Variants in GNAI1 observed in about 807,000 individuals in gnomAD.
GNAI1 encodes the protein guanine nucleotide-binding protein G(i) subunit alpha-1.
Under a neutral mutation model 38.9 loss-of-function variants are expected in GNAI1, and 11 were observed. The ratio of observed to expected loss-of-function variants is 0.28; its 90% confidence interval spans 0.18 to 0.47. The LOEUF (loss-of-function observed/expected upper bound fraction) is 0.47. Ranked by LOEUF, GNAI1 falls within the 20% of genes least tolerant of loss-of-function variation. The pLI, the probability that GNAI1 is intolerant of heterozygous loss-of-function variation, is 0.99. For missense variants in GNAI1, 317 were observed against 436.9 expected, an observed-to-expected ratio of 0.73 and a Z score of 2.45; for synonymous variants, 166 against 145.1, an observed-to-expected ratio of 1.14 and a Z score of -1.04.
rs1789095498 is a variant in GNAI1 at position 80,222,409 on chromosome 7, C to CA, written c.*4917dup. Among the ~76,000 whole-genome samples, 2 of 117,936 alleles carry CA rather than the reference C, an allele frequency of 1.7e-5. No homozygotes were observed. Among genetic ancestry groups the CA allele is most frequent in the South Asian group, 5.0e-4 (2 of 4,012 alleles). 77.4% of individuals were successfully genotyped at this position (117,936 alleles called of 152,430 possible). A position where few individuals can be genotyped will look rare whatever the true frequency, so the allele number is the denominator to read the frequency against. On this transcript the variant is annotated 3_prime_UTR_variant, in exon 8 of 8. Transcript: ENST00000649796. ...TTTTTTTTTTTTTTTTTTCCTGAGA[C>CA]AGAGTTTCGTTCTTGTTTCCCAGGC... is the stretch of plus-strand genomic sequence containing the variant.
At chr7:80,211,669 T>G (rs1009547430) in intron 6 of GNAI1, among the ~76,000 whole-genome samples, 2 of 152,316 alleles carry the variant, frequency 1.3e-5, no homozygotes, top group Non-Finnish European at 2.9e-5. Flanking sequence ...GCCACCCATC[T>G]CGGCCTCCCA....
rs57485323 is a variant in GNAI1 at position 80,219,027 on chromosome 7, T to TTGTGTGTGTGTGTGTGTGTGTGTGTG, written c.*1542_*1567dup. ...GTGTTGTCACTGGGTTGAAGTATAT[T>TTGTGTGTGTGTGTGTGTGTGTGTGTG]TGTGTGTGTGTGTGTGTGTGTGTGT... On this transcript the variant is annotated 3_prime_UTR_variant, in exon 8 of 8. Transcript: ENST00000649796. 1.4e-5 allele frequency: 2 copies of TTGTGTGTGTGTGTGTGTGTGTGTGTG among 145,946 alleles called. No individual in the cohort carries two copies. The highest frequency in any genetic ancestry group is 3.5e-3 in the Middle Eastern group (1 of 282). The allele number at this position is 145,946 out of a possible 1,614,324, so 9.0% of individuals were successfully genotyped here.
rs1789056323 is a variant in GNAI1 at position 80,220,608 on chromosome 7, T to C, written c.*3115T>C. Among the ~76,000 whole-genome samples the C allele has an allele frequency of 6.6e-6, 1 of 152,246 alleles. No homozygotes were observed. The highest frequency in any genetic ancestry group is 1.5e-5 in the Non-Finnish European group (1 of 68,050). ...GTTTCTAAAATTCTCTTCATTTCAG[T>C]AACCTTCTAAAAGTCTACTTTTTTA... On this transcript the variant is annotated 3_prime_UTR_variant, in exon 8 of 8. Transcript: ENST00000649796.
At chr7:80,169,696 T>C (rs930882498) in intron 1 of GNAI1, among the ~76,000 whole-genome samples, 1 of 152,200 alleles carries the variant, frequency 6.6e-6, no homozygotes, top group Non-Finnish European at 1.5e-5. Flanking sequence ...TGAGATATAA[T>C]TCACCAAAAA....
chr7:80,196,792 A>G (rs1425521287), intron 3 of GNAI1, among the ~76,000 whole-genome samples: 1 of 151,902 alleles, frequency 6.6e-6, no homozygotes, highest in Non-Finnish European at 1.5e-5. Flanking sequence ...AATTTTTTTT[A>G]AAGAAAAGAG....
chr7:80,176,764 C>T (rs910369534), intron 1 of GNAI1, among the ~76,000 whole-genome samples: 4 of 151,620 alleles, frequency 2.6e-5, no homozygotes, highest in Non-Finnish European at 5.9e-5. Context: ...TGGTGAAACC[C>T]CCATCTCTAC....
intron 1 of GNAI1, among the ~76,000 whole-genome samples, chr7:80,166,527 T>C (rs1204647627): frequency 6.6e-6 from 1 of 152,156 alleles, no homozygotes; most frequent in Non-Finnish European, 1.5e-5. Context: ...TAGAAGATAG[T>C]TGGAGGAACT....
chr7:80,137,307 C>CTTTTTTTTTCTTTTTTTTTTTTTTTT (rs1787435379), intron 1 of GNAI1, among the ~76,000 whole-genome samples: 1 of 61,206 alleles, frequency 1.6e-5, no homozygotes, highest in African/African-American at 5.3e-5. Flanking sequence ...TTTTTTTTTT[C>CTTTTTTTTTCTTTTTTTTTTTTTTTT]TTTTCTTTTC....
intron 1 of GNAI1, among the ~76,000 whole-genome samples, chr7:80,183,374 A>G (rs1319636094): frequency 6.6e-6 from 1 of 152,224 alleles, no homozygotes; most frequent in Non-Finnish European, 1.5e-5. Context: ...AGGATTTTAA[A>G]TGCATTTATA....
intron 5 of GNAI1, among the ~76,000 whole-genome samples, chr7:80,209,106 G>C (rs1270943916): frequency 6.6e-6 from 1 of 152,098 alleles, no homozygotes; most frequent in African/African-American, 2.4e-5. Flanking sequence ...TCAAGATAGT[G>C]TAGTTTTATT....
chr7:80,191,377 A>T (rs892200854), intron 3 of GNAI1, among the ~76,000 whole-genome samples: 5 of 151,878 alleles, frequency 3.3e-5, no homozygotes, highest in African/African-American at 1.2e-4. Flanking sequence ...GAAACATTTT[A>T]TTATTATTAT....
intron 7 of GNAI1, among the ~76,000 whole-genome samples, chr7:80,215,496 C>T (rs542636888): frequency 3.7e-4 from 57 of 152,208 alleles, no homozygotes; most frequent in Non-Finnish European, 6.0e-4. Context: ...AACTTAAAGA[C>T]GATAGCTTTA....
intron 4 of GNAI1, among the ~76,000 whole-genome samples, chr7:80,202,340 G>A (rs1788703112): frequency 2.0e-5 from 3 of 152,020 alleles, no homozygotes; most frequent in Non-Finnish European, 4.4e-5. Context: ...CGCCCACCTC[G>A]GCCTCACAAA....
intron 1 of GNAI1, 38 bp downstream of exon 1, chr7:80,135,316 G>T (rs1177829232): frequency 8.1e-7 from 1 of 1,228,970 alleles, no homozygotes; most frequent in Non-Finnish European, 1.1e-6. Context: ...GGTCGGCGGG[G>T]GACCGGGTGC....
At position 80,211,069 on chromosome 7, in the gene GNAI1, G is replaced by T; in HGVS notation, c.691G>T (p.Asp231Tyr). 6.2e-7 allele frequency: 1 copy of T among 1,613,436 alleles called. No individual in the cohort carries two copies. The highest frequency in any genetic ancestry group is 8.5e-7 in the Non-Finnish European group (1 of 1,179,450). Residue 231 changes from aspartate to tyrosine, a missense_variant, in exon 6 of 8, where the codon GAC (aspartate) becomes TAC (tyrosine). Coordinates refer to ENST00000649796, the MANE Select transcript of GNAI1 (RefSeq NM_002069.6). The stretch of plus-strand genomic sequence containing the variant: ...CTTCTGTGTAGCACTGAGTGACTAC[G>T]ACCTGGTTCTAGCTGAAGATGAAGA... ...IIFCVALSDYDLVLAEDEEMN... is the reference protein window; with the variant it reads ...IIFCVALSDYYLVLAEDEEMN...
At chr7:80,172,303 A>G (rs1422754448) in intron 1 of GNAI1, among the ~76,000 whole-genome samples, 1 of 152,190 alleles carries the variant, frequency 6.6e-6, no homozygotes, top group South Asian at 2.1e-4. Flanking sequence ...AGATTTAAAC[A>G]TTTTAGAAAA....
intron 1 of GNAI1, among the ~76,000 whole-genome samples, chr7:80,186,301 G>A (rs916948336): frequency 6.6e-6 from 1 of 152,060 alleles, no homozygotes; most frequent in Non-Finnish European, 1.5e-5. Context: ...AAAGTGCTGG[G>A]ATTACAGGCA....
At chr7:80,152,236 A>C (rs923849684) in intron 1 of GNAI1, among the ~76,000 whole-genome samples, 4 of 152,086 alleles carry the variant, frequency 2.6e-5, no homozygotes, top group African/African-American at 9.7e-5. Context: ...TTCTTTCCTT[A>C]TGTTATTTCA....
rs1361533962 is a variant in GNAI1 at position 80,223,995 on chromosome 7, TTTC to T, written c.*6508_*6510del. Among the ~76,000 whole-genome samples, 1 of 152,166 alleles carries T rather than the reference TTTC, an allele frequency of 6.6e-6. No individual in the cohort carries two copies. Among genetic ancestry groups the T allele is most frequent in the Non-Finnish European group, 1.5e-5 (1 of 68,022 alleles). On this transcript the variant is annotated 3_prime_UTR_variant, in exon 8 of 8. Transcript: ENST00000649796. ...TAAGGAAAGCCAGTAAAAAGTGCCC[TTTC>T]TTCTTTCTGAGAGCCCCACCTCTGA...
Sources: allele counts gnomAD v4.1 joint callset (sites outside exome capture counted in the v4.1 genomes callset), GRCh38; gene constraint gnomAD v4.1.1; transcripts MANE v1.5; gene names NCBI Gene and HGNC (gene_info 2026-07-23, HGNC 2026-07-21).